The following SESTD1 variants were observed in gnomAD, a reference collection of about 807,000 sequenced individuals.
SESTD1 encodes the protein SEC14 and spectrin domain containing 1, also known as SEC14 domain and spectrin repeat-containing protein 1.
A neutral mutation model predicts 101.7 loss-of-function variants in SESTD1; 43 were observed. That is an observed-to-expected ratio of 0.42 (90% CI 0.33 to 0.55). SESTD1 has a LOEUF of 0.55. SESTD1 is among the 20% of genes least tolerant of loss of function. The pLI, the probability that SESTD1 is intolerant of heterozygous loss-of-function variation, is 0.07. For synonymous variants in SESTD1, 283 were observed against 286.8 expected, an observed-to-expected ratio of 0.99 and a Z score of 0.13; for missense variants, 647 against 815.1, an observed-to-expected ratio of 0.79 and a Z score of 2.51.
Position 179,108,047 on chromosome 2 carries a change from TGTTCCAGGA to T in SESTD1, c.*1843_*1851del, listed in dbSNP as rs989612315. 5.9e-5 allele frequency: 9 copies of T among 152,134 alleles called. No individual in the cohort carries two copies. Among genetic ancestry groups the T allele is most frequent in the Admixed American group, 3.9e-4 (6 of 15,266 alleles). The allele number at this position is 152,134 out of a possible 1,614,324, so 9.4% of individuals were successfully genotyped here. A position where few individuals can be genotyped will look rare whatever the true frequency, so the allele number is the denominator to read the frequency against. On this transcript the variant is annotated 3_prime_UTR_variant, in exon 18 of 18. Transcript: ENST00000428443. ...AAAAGGCTGCACCATTAACCTAAAT[TGTTCCAGGA>T]GGAAAAGGTGATAAATATTGTCAAT... is the stretch of plus-strand genomic sequence containing the variant.
At chr2:179,152,543 G>A (rs1261576982) in intron 5 of SESTD1, among the ~76,000 whole-genome samples, 1 of 152,136 alleles carries the variant, frequency 6.6e-6, no homozygotes, top group African/African-American at 2.4e-5. Flanking sequence ...GAAGAACTCA[G>A]AAGGAGACAA....
At chr2:179,186,139 G>T (rs1171326251) in intron 2 of SESTD1, among the ~76,000 whole-genome samples, 2 of 150,442 alleles carry the variant, frequency 1.3e-5, no homozygotes, top group East Asian at 3.9e-4. Flanking sequence ...TTTGAAAAAA[G>T]GACATTAGTA....
At chr2:179,254,539 T>G (rs1454257030) in intron 1 of SESTD1, among the ~76,000 whole-genome samples, 1 of 152,212 alleles carries the variant, frequency 6.6e-6, no homozygotes, top group Non-Finnish European at 1.5e-5. Context: ...ATACAGGCAC[T>G]AACGCCATCA....
At chr2:179,152,638 G>T (rs534120940) in intron 5 of SESTD1, among the ~76,000 whole-genome samples, 1 of 152,056 alleles carries the variant, frequency 6.6e-6, no homozygotes, top group East Asian at 1.9e-4. Context: ...AATAAATAAG[G>T]AGAAATTACC....
intron 1 of SESTD1, among the ~76,000 whole-genome samples, chr2:179,245,994 C>T (rs1055229424): frequency 3.3e-5 from 5 of 152,142 alleles, no homozygotes; most frequent in African/African-American, 9.7e-5. Context: ...CAGTGGCTCA[C>T]GCCTATAATC....
Position 179,117,563 on chromosome 2 carries a change from T to A in SESTD1, c.1493A>T (p.Gln498Leu). The change falls in exon 14 of 18, where the codon CAG (glutamine) becomes CTG (leucine). Residue 498 changes from glutamine to leucine, a missense_variant. By Grantham distance (113) the Gln-to-Leu change is moderately radical. Around this residue, in one of 3 missense-constraint regions of SESTD1, gnomAD observed 476 missense variants for 562.6 expected, o/e 0.85. Coordinates refer to ENST00000428443, the MANE Select transcript of SESTD1 (RefSeq NM_178123.5). ...AGCATCTTCTTCACATTTAAACAAC[T>A]GCACCATCTGAAGCATCTTTAACCT... is the stretch of plus-strand genomic sequence containing the variant. ...VRRLKMLQMV[Q>L]LFKCEEDAAQ... is the part of the protein sequence containing the mutation. The A allele has an allele frequency of 6.3e-7, 1 of 1,584,902 alleles. No homozygotes were observed. Among genetic ancestry groups the A allele is most frequent in the Non-Finnish European group, 8.5e-7 (1 of 1,169,814 alleles).
chr2:179,238,910 A>T (rs1379803950), intron 1 of SESTD1, among the ~76,000 whole-genome samples: 1 of 152,064 alleles, frequency 6.6e-6, no homozygotes, highest in Non-Finnish European at 1.5e-5. Flanking sequence ...TGCTTTTATT[A>T]TTAGAAACTA....
chr2:179,158,470 C>T (rs1363969457), intron 5 of SESTD1, among the ~76,000 whole-genome samples: 1 of 152,082 alleles, frequency 6.6e-6, no homozygotes, highest in Non-Finnish European at 1.5e-5. Context: ...TTACATACAA[C>T]GGAAGTTTAT....
rs1415824008 is a variant in SESTD1 at position 179,264,608 on chromosome 2, T to G, written c.-135A>C. 2 of 150,862 alleles carry G rather than the reference T, an allele frequency of 1.3e-5. No individual in the cohort carries two copies. The highest frequency in any genetic ancestry group is 4.9e-5 in the African/African-American group (2 of 40,606). The allele number at this position is 150,862 out of a possible 1,614,324, so 9.3% of individuals were successfully genotyped here. On this transcript the variant is annotated 5_prime_UTR_variant, in exon 1 of 18. Coordinates refer to ENST00000428443, the MANE Select transcript of SESTD1 (RefSeq NM_178123.5). The stretch of plus-strand genomic sequence containing the variant: ...AGGGCGCGGCGGGAGGAAGGCGGGC[T>G]GGGGGCGGAGCGGGCCCGGGCGGCG...
intron 1 of SESTD1, among the ~76,000 whole-genome samples, chr2:179,229,665 A>G (rs950450556): frequency 6.0e-5 from 9 of 151,138 alleles, no homozygotes; most frequent in African/African-American, 1.9e-4. Context: ...TGGAAATTAG[A>G]TGATGAAAAA....
chr2:179,133,668 T>C (rs1191517727), intron 9 of SESTD1, among the ~76,000 whole-genome samples: 1 of 152,082 alleles, frequency 6.6e-6, no homozygotes, highest in African/African-American at 2.4e-5. Flanking sequence ...CTCTGCAGCA[T>C]AATATTATAG....
At position 179,114,153 on chromosome 2, in the gene SESTD1, T is replaced by C. The variant is rs76709289; in HGVS notation, c.1839+912A>G. Among the ~76,000 whole-genome samples the C allele has an allele frequency of 6.6e-4, 101 of 151,994 alleles. 2 individuals are homozygous for C. In the East Asian group the frequency reaches 0.016, roughly 25 times the overall value. On this transcript the variant is annotated intron_variant, in intron 16 of 17. Transcript: ENST00000428443. ...ATCAGTAGATAAACAAGTTACACTA[T>C]TTTGTATACTTCCACTTATCATCAT...
At chr2:179,253,024 G>A (rs1323156487) in intron 1 of SESTD1, among the ~76,000 whole-genome samples, 1 of 152,100 alleles carries the variant, frequency 6.6e-6, no homozygotes, top group African/African-American at 2.4e-5. Context: ...AAAGTCTGGG[G>A]AGAAGAGAGG....
At position 179,117,563 on chromosome 2, in the gene SESTD1, T is replaced by C; in HGVS notation, c.1493A>G (p.Gln498Arg). The part of the protein sequence containing the change: ...VRRLKMLQMV[Q>R]LFKCEEDAAQ... ...AGCATCTTCTTCACATTTAAACAAC[T>C]GCACCATCTGAAGCATCTTTAACCT... Residue 498 changes from glutamine to arginine, a missense_variant, in exon 14 of 18, where the codon CAG becomes CGG. This residue lies in a region of SESTD1 where 476 missense variants were observed against 562.6 expected (regional missense o/e 0.85). Coordinates refer to ENST00000428443, the MANE Select transcript of SESTD1 (RefSeq NM_178123.5). 6.3e-7 allele frequency: 1 copy of C among 1,584,902 alleles called. No individual in the cohort carries two copies.
Position 179,116,745 on chromosome 2 carries a change from G to A in SESTD1, c.1570C>T (p.His524Tyr), listed in dbSNP as rs747094891. The change falls in exon 15 of 18, where the codon CAC becomes TAC. Residue 524 changes from histidine (H) to tyrosine (Y), a missense_variant. His to Tyr is a moderately conservative substitution (Grantham distance 83). Transcript: ENST00000428443. ...SELLDALLKT[H>Y]IRLGDDAQET... ...TGAGCATCATCGCCCAATCTGATGTGAGTCTTAAGCAGAGCATCCAGAAGT... is the reference window on the plus strand; with the variant it reads ...TGAGCATCATCGCCCAATCTGATGTAAGTCTTAAGCAGAGCATCCAGAAGT... 5.6e-6 allele frequency: 9 copies of A among 1,614,120 alleles called. No individual in the cohort carries two copies. The South Asian group carries it at 8.8e-5, about 16-fold the overall frequency.
At position 179,109,828 on chromosome 2, in the gene SESTD1, G is replaced by A. The variant is rs546269157; in HGVS notation, c.*71C>T. On this transcript the variant is annotated 3_prime_UTR_variant, in exon 18 of 18. Transcript: ENST00000428443. Reference sequence around the variant, plus strand: ...GCTGTGAAATGCATCTTAAGGTGTGGTGGCTAATGCTGTAGTATGTTGACA... The same window carrying A: ...GCTGTGAAATGCATCTTAAGGTGTGATGGCTAATGCTGTAGTATGTTGACA... The A allele has an allele frequency of 1.3e-6, 2 of 1,549,728 alleles. No individual in the cohort carries two copies. The highest frequency in any genetic ancestry group is 1.7e-6 in the Non-Finnish European group (2 of 1,144,714).
chr2:179,113,927 G>A (rs2044569592), intron 16 of SESTD1, among the ~76,000 whole-genome samples: 1 of 151,702 alleles, frequency 6.6e-6, no homozygotes, highest in Admixed American at 6.6e-5. Flanking sequence ...CCCTTTGACA[G>A]TGAGGTGATT....
chr2:179,162,067 G>C (rs2045746709), intron 5 of SESTD1, among the ~76,000 whole-genome samples: 2 of 152,092 alleles, frequency 1.3e-5, no homozygotes, highest in Non-Finnish European at 2.9e-5. Flanking sequence ...AAGTTGTCAT[G>C]TATCAATTAT....
chr2:179,261,585 C>T (rs191014937), intron 1 of SESTD1, among the ~76,000 whole-genome samples: 25 of 152,108 alleles, frequency 1.6e-4, no homozygotes, highest in African/African-American at 6.0e-4. Flanking sequence ...AATCACAATG[C>T]GATATCACTT....
Sources: allele counts gnomAD v4.1 joint callset (sites outside exome capture counted in the v4.1 genomes callset), GRCh38; gene constraint gnomAD v4.1.1; regional missense constraint gnomAD v4.1.1; transcripts MANE v1.5; gene names NCBI Gene and HGNC (gene_info 2026-07-23, HGNC 2026-07-21).